The following GLRX variants were observed in gnomAD, a reference collection of about 807,000 sequenced individuals.
GLRX encodes glutaredoxin-1.
GLRX carries 9 observed loss-of-function variants against 11.1 expected under a neutral mutation model. The observed-to-expected ratio is 0.81, with a 90% CI of 0.49 to 1.42. The LOEUF (loss-of-function observed/expected upper bound fraction) is 1.42. Among genes scored for constraint, GLRX ranks in the 40% most tolerant of loss-of-function variants. The pLI, the probability that GLRX is intolerant of heterozygous loss-of-function variation, is 0.00. For synonymous variants in GLRX, 49 were observed against 49.5 expected, an observed-to-expected ratio of 0.99 and a Z score of 0.04; for missense variants, 102 against 126.2, an observed-to-expected ratio of 0.81 and a Z score of 0.92.
intron 1 of GLRX, chr5:95,817,675 G>A (rs894703870): frequency 3.3e-5 from 5 of 152,160 alleles, no homozygotes; most frequent in Admixed American, 6.5e-5. Flanking sequence ...TACCCTCAAC[G>A]TGGCTGAATT....
intron 1 of GLRX, among the ~76,000 whole-genome samples, chr5:95,822,053 T>C (rs1028393010): frequency 6.6e-6 from 1 of 152,006 alleles, no homozygotes; most frequent in Non-Finnish European, 1.5e-5. Flanking sequence ...AGAACATGAA[T>C]CTCATGTTAA....
chr5:95,815,282 C>A (rs1333740373), intron 2 of GLRX, among the ~76,000 whole-genome samples: 5 of 138,118 alleles, frequency 3.6e-5, no homozygotes, highest in Admixed American at 7.2e-5. Context: ...GGTTTGAGTG[C>A]TTTTAGTACC....
chr5:95,816,099 C>T (rs1746984205), intron 2 of GLRX, among the ~76,000 whole-genome samples: 1 of 152,176 alleles, frequency 6.6e-6, no homozygotes, highest in South Asian at 2.1e-4. Context: ...CAGCTCAACC[C>T]TTCCTGAGAA....
rs1402328342 is a variant in GLRX at position 95,819,913 on chromosome 5, A to ACAAAC, written c.207+2542_207+2543insGTTTG. ...ACTCCGTCTCAAAAAAAAAAAAAAAAAAAAAAAAACCCTCGGGAGCTTTCA... is the reference window on the plus strand; with the variant it reads ...ACTCCGTCTCAAAAAAAAAAAAAAAACAAACAAAAAAAAACCCTCGGGAGCTTTCA... On this transcript the variant is annotated intron_variant, in intron 1 of 2. Coordinates refer to ENST00000237858, the MANE Select transcript of GLRX (RefSeq NM_001118890.2). 3.9e-4 allele frequency among the ~76,000 whole-genome samples: 59 copies of ACAAAC among 150,906 alleles called. 1 individual carries two copies. Among genetic ancestry groups the ACAAAC allele is most frequent in the African/African-American group, 1.4e-3 (56 of 40,828 alleles).
rs891023858 is a variant in GLRX, at chr5:95,814,075, A to G, written c.*321T>C. ...TACAATTCTAGAACAGGCAAACTTC[A>G]TGATAAGGGATTCTTAAGTTTTCAA... On this transcript the variant is annotated 3_prime_UTR_variant, in exon 3 of 3. Coordinates refer to ENST00000237858, the MANE Select transcript of GLRX (RefSeq NM_001118890.2). 4 of 152,294 alleles carry G rather than the reference A, an allele frequency of 2.6e-5. No homozygotes were observed. The highest frequency in any genetic ancestry group is 5.9e-5 in the Non-Finnish European group (4 of 68,050). The allele number at this position is 152,294 out of a possible 1,614,324, so 9.4% of individuals were successfully genotyped here. A position where few individuals can be genotyped will look rare whatever the true frequency, so the allele number is the denominator to read the frequency against.
intron 2 of GLRX, among the ~76,000 whole-genome samples, chr5:95,815,456 A>G (rs1202180977): frequency 6.6e-6 from 1 of 152,224 alleles, no homozygotes; most frequent in Non-Finnish European, 1.5e-5. Context: ...ATGCTGAGTA[A>G]CCATCACAAA....
intron 2 of GLRX, among the ~76,000 whole-genome samples, chr5:95,815,898 C>A (rs543346243): frequency 6.6e-6 from 1 of 152,356 alleles, no homozygotes; most frequent in African/African-American, 2.4e-5. Context: ...CCTGGGTGCT[C>A]TGGCCCCTGC....
chr5:95,819,791 C>G (rs1309657049), intron 1 of GLRX, among the ~76,000 whole-genome samples: 3 of 148,028 alleles, frequency 2.0e-5, no homozygotes, highest in African/African-American at 7.5e-5. Context: ...CCCAGCTACT[C>G]GAGAGGCTGA....
intron 1 of GLRX, among the ~76,000 whole-genome samples, chr5:95,821,952 C>T (rs886608961): frequency 6.6e-6 from 1 of 151,956 alleles, no homozygotes; most frequent in Non-Finnish European, 1.5e-5. Flanking sequence ...GAACAAGGGG[C>T]AGATAACGGT....
intron 1 of GLRX, chr5:95,819,268 T>G (rs535782697): frequency 5.3e-5 from 8 of 152,342 alleles, no homozygotes; most frequent in African/African-American, 1.9e-4. Context: ...TAAAAATATT[T>G]GTTGCATCCA....
chr5:95,816,468 C>T, intron 2 of GLRX, 39 bp downstream of exon 2: 1 of 937,392 alleles, frequency 1.1e-6, no homozygotes, highest in Non-Finnish European at 1.8e-6. Context: ...ATTCCACGGT[C>T]TCCCATGTTC....
chr5:95,820,141 C>T (rs1747171823), intron 1 of GLRX, among the ~76,000 whole-genome samples: 1 of 151,730 alleles, frequency 6.6e-6, no homozygotes, highest in South Asian at 2.1e-4. Flanking sequence ...AGCTTGAGGC[C>T]AGGAGTTCAA....
Position 95,822,279 on chromosome 5 carries a change from C to T in GLRX, c.207+177G>A, listed in dbSNP as rs1249765217. Reference sequence around the variant, plus strand: ...TGAAGACCTTTGGCTGCAGTGCCGCCGCTCATTCAAGTGACCGAGATCCTC... The same window carrying T: ...TGAAGACCTTTGGCTGCAGTGCCGCTGCTCATTCAAGTGACCGAGATCCTC... On this transcript the variant is annotated intron_variant, in intron 1 of 2. Transcript: ENST00000237858. 8.2e-6 allele frequency: 5 copies of T among 611,230 alleles called. No individual in the cohort carries two copies. The Admixed American group carries it at 1.1e-4, about 14-fold the overall frequency. 37.9% of individuals were successfully genotyped at this position (611,230 alleles called of 1,614,324 possible).
Position 95,822,669 on chromosome 5 carries a change from G to A in GLRX, c.-7C>T, listed in dbSNP as rs1161707052. 2 of 1,612,626 alleles carry A rather than the reference G, an allele frequency of 1.2e-6. No homozygotes were observed. Among genetic ancestry groups the A allele is most frequent in the Non-Finnish European group, 1.7e-6 (2 of 1,178,820 alleles). On this transcript the variant is annotated 5_prime_UTR_variant, in exon 1 of 3. Coordinates refer to ENST00000237858, the MANE Select transcript of GLRX (RefSeq NM_001118890.2). Reference sequence around the variant, plus strand: ...TCACAAACTCTTGAGCCATGCCGATGGGCTGCGGTCTCCCCGGGAAGAATC... The same window carrying A: ...TCACAAACTCTTGAGCCATGCCGATAGGCTGCGGTCTCCCCGGGAAGAATC...
intron 1 of GLRX, chr5:95,817,200 A>G (rs1413547621): frequency 6.5e-6 from 1 of 152,976 alleles, no homozygotes; most frequent in East Asian, 1.9e-4. Flanking sequence ...GGGTCGCTTG[A>G]GCCCAGGAGT....
chr5:95,816,830 TTC>T, intron 1 of GLRX: 1 of 454,678 alleles, frequency 2.2e-6, no homozygotes, highest in Non-Finnish European at 4.0e-6. Flanking sequence ...CAGAAGAGTT[TTC>T]AAGTTGTGTG....
Sources: allele counts gnomAD v4.1 joint callset (sites outside exome capture counted in the v4.1 genomes callset), GRCh38; gene constraint gnomAD v4.1.1; transcripts MANE v1.5; gene names NCBI Gene and HGNC (gene_info 2026-07-23, HGNC 2026-07-21).